The following SYK variants were observed in gnomAD, a reference collection of about 807,000 sequenced individuals.
The protein encoded by SYK is spleen associated tyrosine kinase, also known as tyrosine-protein kinase SYK.
A neutral mutation model predicts 77.8 loss-of-function variants in SYK; 16 were observed. The ratio of observed to expected loss-of-function variants is 0.21; its 90% CI spans 0.14 to 0.31. The LOEUF (loss-of-function observed/expected upper bound fraction) is 0.31, where lower values mean the gene tolerates loss of function less well. Ranked by LOEUF, SYK falls within the 10% of genes least tolerant of loss-of-function variation. The probability of loss-of-function intolerance (pLI) is 1.00; values close to 1 mark genes in which losing one functional copy is unlikely to be tolerated. For synonymous variants in SYK, 312 were observed against 308.7 expected (o/e 1.01, Z -0.11); for missense variants, 529 against 814.4 (o/e 0.65, Z 4.26).
At chr9:90,855,897 G>C (rs921697743) in intron 3 of SYK, among the ~76,000 whole-genome samples, 4 of 152,088 alleles carry the variant, frequency 2.6e-5, no homozygotes, top group African/African-American at 9.7e-5. Context: ...GCCTGTTTGA[G>C]ATACCTGTTA....
chr9:90,809,629 A>G (rs955643903), intron 1 of SYK, among the ~76,000 whole-genome samples: 2 of 152,242 alleles, frequency 1.3e-5, no homozygotes, highest in Non-Finnish European at 2.9e-5. Flanking sequence ...AATTAGACAC[A>G]ATCCCAAACC....
chr9:90,893,813 A>C (rs1828885151), intron 13 of SYK, among the ~76,000 whole-genome samples: 1 of 152,330 alleles, frequency 6.6e-6, no homozygotes, highest in Middle Eastern at 3.4e-3. Flanking sequence ...GGTTGAGTGC[A>C]GGGATGAGGG....
chr9:90,886,010 C>T (rs1828559708), intron 11 of SYK, among the ~76,000 whole-genome samples: 1 of 152,206 alleles, frequency 6.6e-6, no homozygotes, highest in African/African-American at 2.4e-5. Context: ...CACCACTAGA[C>T]TGATCCTAGA....
chr9:90,873,403 A>T (rs1827805263), intron 7 of SYK, among the ~76,000 whole-genome samples: 1 of 152,132 alleles, frequency 6.6e-6, no homozygotes, highest in Non-Finnish European at 1.5e-5. Context: ...AGTAGCAAGA[A>T]TCTTGTTTTA....
intron 3 of SYK, among the ~76,000 whole-genome samples, chr9:90,851,270 C>T (rs919506462): frequency 2.0e-5 from 3 of 152,198 alleles, no homozygotes; most frequent in African/African-American, 7.2e-5. Flanking sequence ...CATGTGAAAT[C>T]TCAGAACACA....
chr9:90,889,031 G>T (rs1390656759), intron 13 of SYK, among the ~76,000 whole-genome samples: 1 of 152,146 alleles, frequency 6.6e-6, no homozygotes, highest in Non-Finnish European at 1.5e-5. Flanking sequence ...AGCAGTGAGG[G>T]GTGACCTCGG....
At chr9:90,853,323 G>C (rs936417328) in intron 3 of SYK, among the ~76,000 whole-genome samples, 2 of 150,784 alleles carry the variant, frequency 1.3e-5, no homozygotes, top group Non-Finnish European at 2.9e-5. Context: ...CACCTCACCA[G>C]GCAGATGCAA....
rs1218155585 is a variant in SYK at position 90,862,199 on chromosome 9, C to T, written c.579-7C>T. 1 of 1,607,580 alleles carries T rather than the reference C, an allele frequency of 6.2e-7. No homozygotes were observed. Among genetic ancestry groups the T allele is most frequent in the Non-Finnish European group, 8.5e-7 (1 of 1,176,306 alleles). On this transcript the variant is annotated splice_polypyrimidine_tract_variant and splice_region_variant and intron_variant, in intron 3 of 13. Coordinates refer to ENST00000375754, the MANE Select transcript of SYK (RefSeq NM_003177.7). ...TGGGGATGATGCAGTTCCATCCTCT[C>T]TTCTAGGATCCGAGCCAGAGACAAC...
At chr9:90,891,130 C>A (rs1828769792) in intron 13 of SYK, among the ~76,000 whole-genome samples, 1 of 146,108 alleles carries the variant, frequency 6.8e-6, no homozygotes, top group Non-Finnish European at 1.5e-5. Context: ...TTGGCCGACG[C>A]CATGTTGCCT....
In SYK at chr9:90,846,699, T is replaced by TAA. The variant is rs3056977; in HGVS notation, c.578+1122_578+1123dup. On this transcript the variant is annotated intron_variant, in intron 3 of 13. Transcript: ENST00000375754. ...AAAGAAAAATTGACCACAATACTCT[T>TAA]AAAAAAAAAAAAAAAAAAGGAAGAA... Among the ~76,000 whole-genome samples the TAA allele has an allele frequency of 2.3e-3, 303 of 129,042 alleles. 8 individuals are homozygous for TAA. Among genetic ancestry groups the TAA allele is most frequent in the South Asian group, 6.5e-3 (26 of 4,014 alleles). The allele number at this position is 129,042 out of a possible 152,430, so 84.7% of individuals were successfully genotyped here.
At chr9:90,836,551 C>T (rs1253577389) in intron 1 of SYK, among the ~76,000 whole-genome samples, 4 of 152,128 alleles carry the variant, frequency 2.6e-5, no homozygotes, top group African/African-American at 7.2e-5. Flanking sequence ...ATAGCCACTT[C>T]CTGTTGCTAT....
At chr9:90,866,150 C>T (rs1487408154) in intron 6 of SYK, among the ~76,000 whole-genome samples, 4 of 152,206 alleles carry the variant, frequency 2.6e-5, no homozygotes, top group Non-Finnish European at 2.9e-5. Context: ...CTGCCCGCCT[C>T]GGCCTCCCAA....
At chr9:90,866,803 C>T (rs1287569295) in intron 6 of SYK, among the ~76,000 whole-genome samples, 6 of 152,214 alleles carry the variant, frequency 3.9e-5, no homozygotes, top group Non-Finnish European at 8.8e-5. Context: ...CTCAGATCTA[C>T]TTGTAGTTTC....
chr9:90,872,053 T>TA (rs1418055612), intron 7 of SYK, among the ~76,000 whole-genome samples: 1 of 152,216 alleles, frequency 6.6e-6, no homozygotes, highest in African/African-American at 2.4e-5. Context: ...TCGCTACTAA[T>TA]TCTTACTCAT....
chr9:90,844,305 G>T lies in SYK; in HGVS notation c.407G>T (p.Trp136Leu). The T allele has an allele frequency of 6.2e-7, 1 of 1,604,362 alleles. No individual in the cohort carries two copies. Among genetic ancestry groups the T allele is most frequent in the East Asian group, 2.2e-5 (1 of 44,778 alleles). The part of the protein sequence containing the change: ...NLIREYVKQT[W>L]NLQGQALEQA... ...ATCAGGGAATATGTGAAGCAGACAT[G>T]GAACCTGCAGGTGGGCCACAGCTGG... The change falls in exon 2 of 14, where the codon TGG becomes TTG. Residue 136 changes from tryptophan to leucine, a missense_variant. Trp to Leu is a moderately conservative substitution (Grantham distance 61). Coordinates refer to ENST00000375754, the MANE Select transcript of SYK (RefSeq NM_003177.7).
At chr9:90,803,487 T>A (rs1277546782) in intron 1 of SYK, among the ~76,000 whole-genome samples, 1 of 152,168 alleles carries the variant, frequency 6.6e-6, no homozygotes, top group African/African-American at 2.4e-5. Flanking sequence ...AAATGGGGTG[T>A]ATACTTTAGG....
At chr9:90,878,347 G>A (rs1283564199) in intron 10 of SYK, among the ~76,000 whole-genome samples, 1 of 152,156 alleles carries the variant, frequency 6.6e-6, no homozygotes, top group Non-Finnish European at 1.5e-5. Context: ...CTCATTTGCT[G>A]TGCTACGTTT....
At chr9:90,878,725 A>G (rs752515249) in intron 10 of SYK, 39 bp from the exon 11 acceptor site, 1 of 1,548,560 alleles carries the variant, frequency 6.5e-7, no homozygotes, top group African/African-American at 1.4e-5. Context: ...GAAATGGGTC[A>G]CTGTCTGTTA....
At chr9:90,883,575 C>A (rs962152229) in intron 11 of SYK, among the ~76,000 whole-genome samples, 2 of 152,156 alleles carry the variant, frequency 1.3e-5, no homozygotes, top group African/African-American at 4.8e-5. Flanking sequence ...GCAGCCACTG[C>A]TGGCAACCTA....
Sources: gnomAD v4.1 joint callset for allele counts (sites outside exome capture counted in the v4.1 genomes callset) on GRCh38, gnomAD v4.1.1 for gene constraint, MANE v1.5 for transcripts, NCBI Gene and HGNC (gene_info 2026-07-23, HGNC 2026-07-21) for gene names.